Variants in ZDHHC14 observed in about 807,000 individuals in gnomAD.
ZDHHC14 encodes the protein palmitoyltransferase ZDHHC14.
Under a neutral mutation model 47.7 loss-of-function variants are expected in ZDHHC14, and 16 were observed. That is an observed-to-expected ratio of 0.34 (90% CI 0.23 to 0.51). The LOEUF is 0.51. ZDHHC14 is among the 20% of genes least tolerant of loss of function. The pLI is 0.97. For synonymous variants in ZDHHC14, 293 were observed against 278.9 expected, an observed-to-expected ratio of 1.05 and a Z score of -0.50; for missense variants, 515 against 662.5, an observed-to-expected ratio of 0.78 and a Z score of 2.44.
intron 7 of ZDHHC14, among the ~76,000 whole-genome samples, chr6:157,650,966 G>A (rs1250755078): frequency 6.6e-6 from 1 of 152,106 alleles, no homozygotes; most frequent in African/African-American, 2.4e-5. Context: ...TTTCCTCTGA[G>A]GACCCCCCAT....
chr6:157,590,400 A>G (rs1404874713), intron 2 of ZDHHC14, among the ~76,000 whole-genome samples: 1 of 152,142 alleles, frequency 6.6e-6, no homozygotes, highest in East Asian at 1.9e-4. Flanking sequence ...TGTGCAGCCT[A>G]TGGACTCTAA....
intron 5 of ZDHHC14, among the ~76,000 whole-genome samples, chr6:157,637,336 C>A (rs571469849): frequency 1.3e-5 from 2 of 152,290 alleles, no homozygotes; most frequent in African/African-American, 4.8e-5. Context: ...ACTGGGAGTG[C>A]TAGAAAGGAA....
chr6:157,434,149 C>T (rs188609700), intron 1 of ZDHHC14, among the ~76,000 whole-genome samples: 5 of 151,668 alleles, frequency 3.3e-5, no homozygotes, highest in East Asian at 1.9e-4. Context: ...AGAAGAAAAA[C>T]GGTATTAGTA....
At chr6:157,460,561 A>G (rs1290639492) in intron 1 of ZDHHC14, among the ~76,000 whole-genome samples, 1 of 152,190 alleles carries the variant, frequency 6.6e-6, no homozygotes, top group Non-Finnish European at 1.5e-5. Flanking sequence ...CCTGAGTAAT[A>G]AAACAATAGA....
intron 1 of ZDHHC14, among the ~76,000 whole-genome samples, chr6:157,509,174 G>A (rs1327361117): frequency 6.6e-6 from 1 of 151,916 alleles, no homozygotes; most frequent in Non-Finnish European, 1.5e-5. Context: ...ACCCCTCTAC[G>A]CCCTTTGTCT....
At chr6:157,407,574 C>G (rs902955462) in intron 1 of ZDHHC14, among the ~76,000 whole-genome samples, 1 of 152,116 alleles carries the variant, frequency 6.6e-6, no homozygotes, top group Non-Finnish European at 1.5e-5. Flanking sequence ...AACCAAGGCA[C>G]TTTTCATCTG....
chr6:157,631,570 T>A (rs1233247708), intron 4 of ZDHHC14: 1 of 152,048 alleles, frequency 6.6e-6, no homozygotes, highest in Non-Finnish European at 1.5e-5. Flanking sequence ...AGAGCTGTCA[T>A]CTGAGTCTCT....
In ZDHHC14 at chr6:157,478,993, G is replaced by A. The variant is rs142511679; in HGVS notation, c.246-63592G>A. ...TGCCAACCCAGTGACACCCAGGAAAGGTCCGCGGGGAGACATAATGTCAGC... is the reference window on the plus strand; with the variant it reads ...TGCCAACCCAGTGACACCCAGGAAAAGTCCGCGGGGAGACATAATGTCAGC... On this transcript the variant is annotated intron_variant, in intron 1 of 8. Coordinates refer to ENST00000359775, the MANE Select transcript of ZDHHC14 (RefSeq NM_024630.3). Among the ~76,000 whole-genome samples the A allele has an allele frequency of 5.7e-3, 867 of 152,314 alleles. 4 individuals are homozygous for A. The highest frequency in any genetic ancestry group is 0.041 in the Middle Eastern group (12 of 294).
chr6:157,518,125 A>T (rs145445084), intron 1 of ZDHHC14, among the ~76,000 whole-genome samples: 90 of 152,262 alleles, frequency 5.9e-4, no homozygotes, highest in African/African-American at 2.0e-3. Context: ...CAAAGTTCCC[A>T]TCCCTCCGTG....
chr6:157,416,670 T>TA (rs570772103), intron 1 of ZDHHC14, among the ~76,000 whole-genome samples: 899 of 75,296 alleles, frequency 0.012, 26 homozygotes, highest in African/African-American at 0.036. Context: ...CCTGTCTCAT[T>TA]AAAAAAAAAA....
At chr6:157,562,368 C>T (rs984431263) in intron 2 of ZDHHC14, among the ~76,000 whole-genome samples, 9 of 152,288 alleles carry the variant, frequency 5.9e-5, no homozygotes, top group Admixed American at 5.9e-4. Context: ...CCAGGGTGGA[C>T]GCTGGGACTC....
chr6:157,472,857 C>A (rs1779387229), intron 1 of ZDHHC14, among the ~76,000 whole-genome samples: 1 of 152,216 alleles, frequency 6.6e-6, no homozygotes, highest in Non-Finnish European at 1.5e-5. Context: ...CCAGTGCCAA[C>A]TGTATCCCTG....
At chr6:157,554,952 CTG>C (rs1484374444) in intron 2 of ZDHHC14, among the ~76,000 whole-genome samples, 6 of 152,364 alleles carry the variant, frequency 3.9e-5, no homozygotes, top group African/African-American at 1.4e-4. Context: ...GCCTGCACCC[CTG>C]TGTGTCAATC....
intron 2 of ZDHHC14, among the ~76,000 whole-genome samples, chr6:157,561,421 A>G (rs562125220): frequency 6.6e-6 from 1 of 151,974 alleles, no homozygotes; most frequent in South Asian, 2.1e-4. Flanking sequence ...CGTGTGTATT[A>G]TTTTCAGTAA....
rs544796651 is a variant in ZDHHC14 at position 157,519,770 on chromosome 6, T to C, written c.246-22815T>C. Among the ~76,000 whole-genome samples, 131 of 152,310 alleles carry C rather than the reference T, an allele frequency of 8.6e-4. 1 individual carries two copies. Among genetic ancestry groups the C allele is most frequent in the African/African-American group, 3.1e-3 (129 of 41,566 alleles). On this transcript the variant is annotated intron_variant, in intron 1 of 8. Coordinates refer to ENST00000359775, the MANE Select transcript of ZDHHC14 (RefSeq NM_024630.3). ...TTTTTTTGTTGTTTGTTTGTTTTCATTAAACACGCATCTCTTGAGCATCTG... is the reference window on the plus strand; with the variant it reads ...TTTTTTTGTTGTTTGTTTGTTTTCACTAAACACGCATCTCTTGAGCATCTG...
intron 1 of ZDHHC14, among the ~76,000 whole-genome samples, chr6:157,416,286 C>A (rs1777970201): frequency 6.6e-6 from 1 of 152,094 alleles, no homozygotes; most frequent in African/African-American, 2.4e-5. Context: ...AGTGATTTTT[C>A]TATATATATT....
chr6:157,477,476 A>G (rs1440983192), intron 1 of ZDHHC14, among the ~76,000 whole-genome samples: 1 of 152,238 alleles, frequency 6.6e-6, no homozygotes, highest in Non-Finnish European at 1.5e-5. Flanking sequence ...TCACCAAAAA[A>G]CTGTTAACAC....
At chr6:157,518,020 A>T (rs994807805) in intron 1 of ZDHHC14, among the ~76,000 whole-genome samples, 3 of 152,166 alleles carry the variant, frequency 2.0e-5, no homozygotes, top group African/African-American at 7.2e-5. Flanking sequence ...GGATGTGGAC[A>T]CGCAGGCTGG....
At chr6:157,646,986 C>T (rs1057078172) in intron 6 of ZDHHC14, among the ~76,000 whole-genome samples, 1 of 152,164 alleles carries the variant, frequency 6.6e-6, no homozygotes, top group Non-Finnish European at 1.5e-5. Flanking sequence ...TGAAAAAAAT[C>T]TCTGCTGGCT....
Sources: allele counts gnomAD v4.1 joint callset (sites outside exome capture counted in the v4.1 genomes callset), GRCh38; gene constraint gnomAD v4.1.1; transcripts MANE v1.5; gene names NCBI Gene and HGNC (gene_info 2026-07-23, HGNC 2026-07-21).